Variants in MTOR observed in about 807,000 individuals in gnomAD.
MTOR encodes the protein serine/threonine-protein kinase mTOR.
A neutral mutation model predicts 319.8 loss-of-function variants in MTOR; 70 were observed. That is an observed-to-expected ratio of 0.22 (90% CI 0.18 to 0.27). MTOR has a LOEUF of 0.27. Ranked by LOEUF, MTOR falls within the 10% of genes least tolerant of loss-of-function variation. The pLI is 1.00. For synonymous variants in MTOR, 1,183 were observed against 1,211.4 expected, an observed-to-expected ratio of 0.98 and a Z score of 0.49; for missense variants, 1,890 against 3,274.4, an observed-to-expected ratio of 0.58 and a Z score of 10.32.
intron 38 of MTOR, chr1:11,131,164 G>T: frequency 4.1e-6 from 1 of 246,674 alleles, no homozygotes. Context: ...GAGGGATTTG[G>T]GGTAGGTCTG....
At chr1:11,229,217 A>G (rs183667198) in intron 18 of MTOR, among the ~76,000 whole-genome samples, 1 of 152,322 alleles carries the variant, frequency 6.6e-6, no homozygotes, top group Non-Finnish European at 1.5e-5. Context: ...ACCGTTCACA[A>G]CTTCATAACT....
At chr1:11,180,627 T>C (rs551451522) in intron 28 of MTOR, among the ~76,000 whole-genome samples, 4 of 152,304 alleles carry the variant, frequency 2.6e-5, no homozygotes, top group African/African-American at 9.6e-5. Flanking sequence ...TGTGATCTTG[T>C]CCTGCAACCC....
Position 11,133,286 on chromosome 1 carries a change from C to A in MTOR, c.5247-89G>T. Reference sequence around the variant, plus strand: ...ACAAATTGTTAGGGGACACTGAAGCCCTTCTGGTATTTCCTCTTATTCTCA... The same window carrying A: ...ACAAATTGTTAGGGGACACTGAAGCACTTCTGGTATTTCCTCTTATTCTCA... On this transcript the variant is annotated intron_variant, in intron 37 of 57. Transcript: ENST00000361445. This position sits in a 1 kb window ranked among gnomAD's most constrained non-coding sequence, Gnocchi z 4.0. 8.8e-7 allele frequency: 1 copy of A among 1,140,812 alleles called. No individual in the cohort carries two copies. The highest frequency in any genetic ancestry group is 2.4e-5 in the East Asian group (1 of 42,484). 70.7% of individuals were successfully genotyped at this position (1,140,812 alleles called of 1,614,324 possible).
chr1:11,180,660 T>C (rs190683439), intron 28 of MTOR, among the ~76,000 whole-genome samples: 48 of 152,314 alleles, frequency 3.2e-4, no homozygotes, highest in African/African-American at 1.1e-3. Flanking sequence ...TATCTCTAGC[T>C]AAGGGTGATT....
At chr1:11,192,463 AAG>A (rs1645579446) in intron 28 of MTOR, 5 of 1,173,348 alleles carry the variant, frequency 4.3e-6, no homozygotes, top group Non-Finnish European at 6.2e-6. Flanking sequence ...AGTTTAAAGA[AAG>A]GAAAATTCGG....
At chr1:11,195,620 A>G (rs1645756960) in intron 28 of MTOR, 1 of 154,152 alleles carries the variant, frequency 6.5e-6, no homozygotes, top group African/African-American at 2.4e-5. Context: ...AGGGCACTGC[A>G]TCTGGCGATC....
intron 19 of MTOR, among the ~76,000 whole-genome samples, chr1:11,216,521 T>C (rs895645930): frequency 1.1e-4 from 17 of 151,982 alleles, no homozygotes; most frequent in African/African-American, 3.6e-4. Context: ...GCTGGGCACT[T>C]GCCTGTAGTT....
At chr1:11,233,142 A>G (rs1647077211) in intron 15 of MTOR, 2 of 1,097,904 alleles carry the variant, frequency 1.8e-6, no homozygotes, top group Non-Finnish European at 2.7e-6. Context: ...GATGGCACAC[A>G]CATTTATGCT....
At chr1:11,172,862 C>CAA (rs35521014) in intron 28 of MTOR, among the ~76,000 whole-genome samples, 5,893 of 133,656 alleles carry the variant, frequency 0.044, 208 homozygotes, top group South Asian at 0.075. Context: ...GACTCTGTCT[C>CAA]AAAAAAAAAA....
At position 11,139,608 on chromosome 1, in the gene MTOR, G is replaced by A; in HGVS notation, c.4923C>T (p.Ser1641=). 1 of 1,614,132 alleles carries A rather than the reference G, an allele frequency of 6.2e-7. No individual in the cohort carries two copies. Among genetic ancestry groups the A allele is most frequent in the Non-Finnish European group, 8.5e-7 (1 of 1,180,038 alleles). The change falls in exon 35 of 58, where the codon TCC becomes TCT. Residue 1641 remains serine (S), a synonymous_variant. Coordinates refer to ENST00000361445, the MANE Select transcript of MTOR (RefSeq NM_004958.4). ...EDWQKILMVR[S]LVVSPHEDMR... ...TGTCTTCATGAGGGCTGACCACAAG[G>A]GACCGCACCATAAGGATTTTCTGCC...
At position 11,150,232 on chromosome 1, in the gene MTOR, G is replaced by T; in HGVS notation, c.4470-6C>A. Reference sequence around the variant, plus strand: ...ACTGCTGGTGGAGTTGACCCCTGAAGAAAATGAATTATATAGTCAGATTAA... The same window carrying T: ...ACTGCTGGTGGAGTTGACCCCTGAATAAAATGAATTATATAGTCAGATTAA... On this transcript the variant is annotated splice_polypyrimidine_tract_variant and splice_region_variant and intron_variant, in intron 30 of 57. Coordinates refer to ENST00000361445, the MANE Select transcript of MTOR (RefSeq NM_004958.4). 6.2e-7 allele frequency: 1 copy of T among 1,611,124 alleles called. No homozygotes were observed. The highest frequency in any genetic ancestry group is 8.5e-7 in the Non-Finnish European group (1 of 1,178,146).
rs564301338 is a variant in MTOR at position 11,139,103 on chromosome 1, A to G, written c.5130+201T>C. 5.3e-4 allele frequency: 336 copies of G among 636,482 alleles called. 3 individuals carry two copies. In the African/African-American group the frequency reaches 5.4e-3, roughly 10 times the overall value. The allele number at this position is 636,482 out of a possible 1,614,324, so 39.4% of individuals were successfully genotyped here. A position where few individuals can be genotyped will look rare whatever the true frequency, so the allele number is the denominator to read the frequency against. ...GTGATCACATTCATTGGTTTGATCAATGGTATACACACCATCTCCTCAACT... is the reference window on the plus strand; with the variant it reads ...GTGATCACATTCATTGGTTTGATCAGTGGTATACACACCATCTCCTCAACT... On this transcript the variant is annotated intron_variant, in intron 36 of 57. Transcript: ENST00000361445.
chr1:11,109,612 C>T lies in MTOR; in HGVS notation c.7447+37G>A. The T allele has an allele frequency of 6.3e-7, 1 of 1,583,638 alleles. No homozygotes were observed. The highest frequency in any genetic ancestry group is 2.2e-5 in the East Asian group (1 of 44,746). ...ACACAGCTGCTATTTTCTTAATGAGCTAGTCACTGGTGCGGTTCCTCAGAG... is the reference window on the plus strand; with the variant it reads ...ACACAGCTGCTATTTTCTTAATGAGTTAGTCACTGGTGCGGTTCCTCAGAG... On this transcript the variant is annotated intron_variant, in intron 55 of 57. Coordinates refer to ENST00000361445, the MANE Select transcript of MTOR (RefSeq NM_004958.4). This position sits in a 1 kb window ranked among gnomAD's most constrained non-coding sequence, Gnocchi z 4.0.
intron 18 of MTOR, among the ~76,000 whole-genome samples, chr1:11,229,512 C>T (rs922127567): frequency 1.3e-5 from 2 of 152,180 alleles, no homozygotes; most frequent in Non-Finnish European, 2.9e-5. Flanking sequence ...AGGAAGAACA[C>T]CAGGAGCAGC....
intron 49 of MTOR, among the ~76,000 whole-genome samples, chr1:11,118,931 G>A (rs1416020020): frequency 2.0e-5 from 3 of 151,894 alleles, no homozygotes; most frequent in Admixed American, 1.3e-4. Context: ...CCCGCCCATA[G>A]GTGTGGTCTT....
intron 39 of MTOR, 72 bp downstream of exon 39, chr1:11,130,457 T>C (rs2100428131): frequency 6.4e-7 from 1 of 1,567,646 alleles, no homozygotes; most frequent in Non-Finnish European, 8.6e-7. Context: ...CCTTTTAAGC[T>C]TAACAACGAT....
At chr1:11,132,081 G>GA (rs1183726030) in intron 38 of MTOR, 1 of 152,134 alleles carries the variant, frequency 6.6e-6, no homozygotes, top group Non-Finnish European at 1.5e-5. Context: ...GTTGATGGTA[G>GA]AATACATCAT....
At chr1:11,153,380 G>A (rs556055402) in intron 30 of MTOR, among the ~76,000 whole-genome samples, 1 of 152,192 alleles carries the variant, frequency 6.6e-6, no homozygotes. Flanking sequence ...CTGAAGAAGC[G>A]GGCTGGTGCC....
At chr1:11,202,938 C>T (rs1317243078) in intron 26 of MTOR, among the ~76,000 whole-genome samples, 2 of 151,566 alleles carry the variant, frequency 1.3e-5, no homozygotes, top group African/African-American at 2.4e-5. Flanking sequence ...CCAGGCGGGG[C>T]GTGGTGGCTC....
Sources: gnomAD v4.1 joint callset for allele counts (sites outside exome capture counted in the v4.1 genomes callset) on GRCh38, gnomAD v4.1.1 for gene constraint, Gnocchi (gnomAD v3.1) non-coding constraint, MANE v1.5 for transcripts, NCBI Gene and HGNC (gene_info 2026-07-23, HGNC 2026-07-21) for gene names.